KCTD16: variants seen among roughly 807,000 people sequenced by gnomAD.
KCTD16 encodes the protein potassium channel tetramerization domain containing 16, also known as BTB/POZ domain-containing protein KCTD16.
A neutral mutation model predicts 33.2 loss-of-function variants in KCTD16; 13 were observed. The observed-to-expected ratio is 0.39, with a 90% CI of 0.25 to 0.62. The LOEUF (loss-of-function observed/expected upper bound fraction) is 0.62. Among genes scored for constraint, KCTD16 ranks in the 20% least tolerant of loss-of-function variants. KCTD16 has a pLI of 0.50. For synonymous variants in KCTD16, 197 were observed against 195.3 expected (o/e 1.01, Z -0.07); for missense variants, 441 against 525.1 (o/e 0.84, Z 1.57).
At chr5:144,220,645 G>A (rs561044854) in intron 3 of KCTD16, among the ~76,000 whole-genome samples, 4 of 152,088 alleles carry the variant, frequency 2.6e-5, no homozygotes, top group Non-Finnish European at 4.4e-5. Context: ...GCTTCTTATA[G>A]AAATGAATGA....
At chr5:144,214,630 G>A (rs1753504260) in intron 3 of KCTD16, among the ~76,000 whole-genome samples, 1 of 152,074 alleles carries the variant, frequency 6.6e-6, no homozygotes, top group Non-Finnish European at 1.5e-5. Context: ...TGTGAGTGAT[G>A]TTCCCTCTGC....
intron 3 of KCTD16, among the ~76,000 whole-genome samples, chr5:144,217,099 T>A (rs1214668333): frequency 6.6e-6 from 1 of 152,184 alleles, no homozygotes; most frequent in Non-Finnish European, 1.5e-5. Context: ...TCTCTTGACT[T>A]GGAGAAGAGT....
chr5:144,330,274 G>GA (rs1414904323), intron 3 of KCTD16, among the ~76,000 whole-genome samples: 1 of 151,698 alleles, frequency 6.6e-6, no homozygotes, highest in Non-Finnish European at 1.5e-5. Flanking sequence ...TTAGCCACGC[G>GA]AGTTGGTGCA....
At chr5:144,214,855 G>A (rs1312597472) in intron 3 of KCTD16, among the ~76,000 whole-genome samples, 1 of 152,164 alleles carries the variant, frequency 6.6e-6, no homozygotes, top group East Asian at 1.9e-4. Flanking sequence ...GCTTTGTGAA[G>A]CCAGAAGCTA....
intron 3 of KCTD16, among the ~76,000 whole-genome samples, chr5:144,265,917 C>CT (rs1348685211): frequency 1.3e-5 from 2 of 152,100 alleles, no homozygotes; most frequent in Non-Finnish European, 2.9e-5. Flanking sequence ...AGTGCTTCAG[C>CT]TTTTTTCTCC....
intron 3 of KCTD16, among the ~76,000 whole-genome samples, chr5:144,418,143 G>C (rs1001761856): frequency 1.3e-4 from 20 of 152,162 alleles, no homozygotes; most frequent in Admixed American, 7.9e-4. Flanking sequence ...ACTGGCTTCA[G>C]GAGTGAAGCT....
intron 3 of KCTD16, among the ~76,000 whole-genome samples, chr5:144,256,304 T>A (rs1231825596): frequency 1.3e-5 from 2 of 152,106 alleles, no homozygotes; most frequent in Non-Finnish European, 1.5e-5. Context: ...TTATTTGGAG[T>A]CTAAAACCAA....
At chr5:144,316,293 T>C (rs1751911058) in intron 3 of KCTD16, among the ~76,000 whole-genome samples, 3 of 152,086 alleles carry the variant, frequency 2.0e-5, no homozygotes. Flanking sequence ...ACCGAGCTTG[T>C]AGGTGAATTG....
At chr5:144,412,934 G>A (rs900967158) in intron 3 of KCTD16, among the ~76,000 whole-genome samples, 2 of 152,054 alleles carry the variant, frequency 1.3e-5, no homozygotes, top group African/African-American at 2.4e-5. Context: ...TATCAGTAGG[G>A]TGATATAGTT....
chr5:144,356,228 T>C (rs1425281860), intron 3 of KCTD16, among the ~76,000 whole-genome samples: 2 of 152,218 alleles, frequency 1.3e-5, no homozygotes, highest in East Asian at 3.8e-4. Flanking sequence ...TATACCTTTA[T>C]GTCTCATATG....
rs984404371 is a variant in KCTD16, at chr5:144,242,883, T to C, written c.832+35337T>C. ...TAACCCCATGACCTAAGACCTCCCATTGGGCCCATCTCTAATATTGGGGAT... is the reference window on the plus strand; with the variant it reads ...TAACCCCATGACCTAAGACCTCCCACTGGGCCCATCTCTAATATTGGGGAT... On this transcript the variant is annotated intron_variant, in intron 3 of 3. Coordinates refer to ENST00000512467, the MANE Select transcript of KCTD16 (RefSeq NM_020768.4). Among the ~76,000 whole-genome samples, 7 of 152,230 alleles carry C rather than the reference T, an allele frequency of 4.6e-5. No individual in the cohort carries two copies. In the South Asian group the frequency reaches 6.2e-4, roughly 14 times the overall value.
At chr5:144,288,199 G>T (rs1206200269) in intron 3 of KCTD16, among the ~76,000 whole-genome samples, 1 of 152,168 alleles carries the variant, frequency 6.6e-6, no homozygotes, top group Non-Finnish European at 1.5e-5. Context: ...CCTAGAGAAA[G>T]AATCTGGGCT....
intron 2 of KCTD16, among the ~76,000 whole-genome samples, chr5:144,186,082 G>T (rs1040073528): frequency 5.9e-5 from 9 of 152,092 alleles, no homozygotes; most frequent in African/African-American, 2.2e-4. Flanking sequence ...TGAACACCAG[G>T]CTGTCTTCAG....
At chr5:144,362,771 G>A (rs1038170221) in intron 3 of KCTD16, among the ~76,000 whole-genome samples, 10 of 152,112 alleles carry the variant, frequency 6.6e-5, no homozygotes, top group African/African-American at 2.2e-4. Flanking sequence ...ACACACTTGA[G>A]CTGAAACCCA....
chr5:144,431,738 C>T (rs561794520), intron 3 of KCTD16, among the ~76,000 whole-genome samples: 1 of 152,032 alleles, frequency 6.6e-6, no homozygotes, highest in Non-Finnish European at 1.5e-5. Context: ...AGACAAAGCT[C>T]GTATTTTACT....
chr5:144,201,618 C>T (rs938983441), intron 2 of KCTD16, among the ~76,000 whole-genome samples: 21 of 152,198 alleles, frequency 1.4e-4, no homozygotes, highest in African/African-American at 3.9e-4. Flanking sequence ...AACACACCTG[C>T]GAGGCAGGTC....
intron 3 of KCTD16, among the ~76,000 whole-genome samples, chr5:144,372,521 T>C (rs1426580851): frequency 6.6e-6 from 1 of 152,208 alleles, no homozygotes; most frequent in Non-Finnish European, 1.5e-5. Flanking sequence ...GATGTTTTTG[T>C]TCACAGCTAT....
At chr5:144,469,527 A>T (rs1580989313) in intron 3 of KCTD16, among the ~76,000 whole-genome samples, 1 of 152,218 alleles carries the variant, frequency 6.6e-6, no homozygotes, top group Non-Finnish European at 1.5e-5. Flanking sequence ...TAAAACAAAG[A>T]TGTGTAATTG....
intron 2 of KCTD16, among the ~76,000 whole-genome samples, chr5:144,184,808 A>T (rs66821551): frequency 6.6e-6 from 1 of 152,178 alleles, no homozygotes; most frequent in Non-Finnish European, 1.5e-5. Flanking sequence ...GGACATTTGT[A>T]TAAATTCTTT....
Sources: gnomAD v4.1 joint callset for allele counts (sites outside exome capture counted in the v4.1 genomes callset) on GRCh38, gnomAD v4.1.1 for gene constraint, MANE v1.5 for transcripts, NCBI Gene and HGNC (gene_info 2026-07-23, HGNC 2026-07-21) for gene names.